Variants in TLCD4 observed in about 807,000 individuals in gnomAD.
The protein encoded by TLCD4 is TLC domain containing 4.
Under a neutral mutation model 24.2 loss-of-function variants are expected in TLCD4, and 7 were observed. That is an observed-to-expected ratio of 0.29 (90% CI 0.16 to 0.54). TLCD4 has a LOEUF of 0.54. Ranked by LOEUF, TLCD4 falls within the 20% of genes least tolerant of loss-of-function variation. The pLI, the probability that TLCD4 is intolerant of heterozygous loss-of-function variation, is 0.95. For missense variants in TLCD4, 259 were observed against 313.9 expected (o/e 0.82, Z 1.32); for synonymous variants, 103 against 106.4 (o/e 0.97, Z 0.20).
Position 95,125,367 on chromosome 1 carries a change from A to T in TLCD4, c.-12+7750A>T, listed in dbSNP as rs1393402878. The T allele has an allele frequency of 2.6e-5, 4 of 152,350 alleles. No individual in the cohort carries two copies. The East Asian group carries it at 7.7e-4, about 29-fold the overall frequency. 9.4% of individuals were successfully genotyped at this position (152,350 alleles called of 1,614,324 possible). ...TATCTAGATTTTTTGACTGTCTGGC[A>T]GTATCAAACCTGAATCAGGTAGATA... On this transcript the variant is annotated intron_variant, in intron 1 of 6. Coordinates refer to ENST00000370203, the MANE Select transcript of TLCD4 (RefSeq NM_152487.3).
intron 1 of TLCD4, among the ~76,000 whole-genome samples, chr1:95,136,015 C>T (rs1291270699): frequency 1.3e-5 from 2 of 152,080 alleles, no homozygotes; most frequent in African/African-American, 2.4e-5. Flanking sequence ...ACCCACTGAG[C>T]CTGGCCTGCT....
rs748928667 is a variant in TLCD4, at chr1:95,151,367, A to G, written c.347A>G (p.Lys116Arg). 40 of 1,613,300 alleles carry G rather than the reference A, an allele frequency of 2.5e-5. 1 individual carries two copies. In the Admixed American group the frequency reaches 4.7e-4, roughly 19 times the overall value. ...TTGTATTGGAAAGTGATTGGTGACA[A>G]ATTTTTTATAATGCATCATTGTGCG... ...IILYWKVIGD[K>R]FFIMHHCASL... is the part of the protein sequence containing the mutation. The change falls in exon 5 of 7, where the codon AAA (lysine) becomes AGA (arginine). Residue 116 changes from lysine (K) to arginine (R), a missense_variant. Lys to Arg is a conservative substitution (Grantham distance 26, BLOSUM62 2). Coordinates refer to ENST00000370203, the MANE Select transcript of TLCD4 (RefSeq NM_152487.3).
chr1:95,124,876 C>T (rs1450163580), intron 1 of TLCD4, among the ~76,000 whole-genome samples: 1 of 151,922 alleles, frequency 6.6e-6, no homozygotes, highest in African/African-American at 2.4e-5. Flanking sequence ...CAACAAACAC[C>T]ACCACCCTGT....
At position 95,191,622 on chromosome 1, in the gene TLCD4, A is replaced by C. The variant is rs1679032903; in HGVS notation, c.546A>C (p.Val182=). 2 of 1,614,094 alleles carry C rather than the reference A, an allele frequency of 1.2e-6. No homozygotes were observed. The highest frequency in any genetic ancestry group is 3.3e-5 in the Admixed American group (2 of 60,006). Reference sequence around the variant, plus strand: ...TTATCAATGGAATACTCATGACAGTAGTATTCTTCATCGTGCGGATTGCCT... The same window carrying C: ...TTATCAATGGAATACTCATGACAGTCGTATTCTTCATCGTGCGGATTGCCT... ...AIVINGILMT[V]VFFIVRIASM... Residue 182 remains valine (V), a synonymous_variant, in exon 7 of 7, where the codon GTA becomes GTC. Transcript: ENST00000370203.
intron 1 of TLCD4, among the ~76,000 whole-genome samples, chr1:95,130,001 A>T (rs543059599): frequency 6.6e-6 from 1 of 152,190 alleles, no homozygotes; most frequent in African/African-American, 2.4e-5. Context: ...CTTTTTCCCT[A>T]TATGTCTCTT....
At chr1:95,148,582 C>T in intron 2 of TLCD4, 120 bp from the exon 3 acceptor site, 2 of 1,363,182 alleles carry the variant, frequency 1.5e-6, no homozygotes, top group Non-Finnish European at 2.0e-6. Context: ...CTCCGTTATA[C>T]TTCACACCTG....
chr1:95,109,144 A>G, the TLCD4 span, among the ~76,000 whole-genome samples: 1 of 152,126 alleles, frequency 6.6e-6, no homozygotes, highest in Non-Finnish European at 1.5e-5. Context: ...CCTGGGCAAG[A>G]AGGCAAAACC....
chr1:95,111,742 G>A, the TLCD4 span, among the ~76,000 whole-genome samples: 28 of 152,248 alleles, frequency 1.8e-4, no homozygotes, highest in African/African-American at 6.3e-4. Flanking sequence ...GAAGATTGCT[G>A]TATAATGGTT....
rs192798231 is a variant in TLCD4 at position 95,175,290 on chromosome 1, T to A, written c.473+1401T>A. 6.6e-5 allele frequency among the ~76,000 whole-genome samples: 10 copies of A among 152,314 alleles called. No homozygotes were observed. The East Asian group carries it at 1.7e-3, about 26-fold the overall frequency. ...TTCATATGAATGGAATGATACAGTG[T>A]TTATCCTTTTGTGCCTGGCTTATTT... On this transcript the variant is annotated intron_variant, in intron 6 of 6. Transcript: ENST00000370203.
chr1:95,151,690 A>G (rs1557685615), intron 5 of TLCD4, among the ~76,000 whole-genome samples: 1 of 152,102 alleles, frequency 6.6e-6, no homozygotes, highest in African/African-American at 2.4e-5. Flanking sequence ...TAAAACCTTC[A>G]GGATTGTTGT....
chr1:95,178,884 C>T (rs1020835481), intron 6 of TLCD4, among the ~76,000 whole-genome samples: 1 of 152,158 alleles, frequency 6.6e-6, no homozygotes, highest in Non-Finnish European at 1.5e-5. Flanking sequence ...ACATATTTCC[C>T]TCTATACTCA....
At chr1:95,099,179 G>A in the TLCD4 span, among the ~76,000 whole-genome samples, 1 of 151,662 alleles carries the variant, frequency 6.6e-6, no homozygotes, top group Non-Finnish European at 1.5e-5. Flanking sequence ...TATAATTCCA[G>A]CACTTTGGGA....
At chr1:95,111,293 TAAAACAAAAC>T in the TLCD4 span, among the ~76,000 whole-genome samples, 7 of 145,106 alleles carry the variant, frequency 4.8e-5, no homozygotes, top group Non-Finnish European at 7.5e-5. Context: ...TTGTGTCTCT[TAAAACAAAAC>T]AAAACAAAAC....
At chr1:95,104,466 C>T in the TLCD4 span, among the ~76,000 whole-genome samples, 1 of 151,530 alleles carries the variant, frequency 6.6e-6, no homozygotes, top group East Asian at 2.0e-4. Flanking sequence ...AGATCGAGAC[C>T]ATGCTGGCTA....
chr1:95,101,681 G>A, the TLCD4 span, among the ~76,000 whole-genome samples: 1 of 152,176 alleles, frequency 6.6e-6, no homozygotes, highest in Non-Finnish European at 1.5e-5. Context: ...CAGGTGGTGT[G>A]AAAAACACTG....
At chr1:95,139,341 T>C (rs1055332110) in intron 1 of TLCD4, among the ~76,000 whole-genome samples, 1 of 151,816 alleles carries the variant, frequency 6.6e-6, no homozygotes, top group African/African-American at 2.4e-5. Flanking sequence ...GTAGGCTTTA[T>C]AAACACTGTA....
chr1:95,170,257 AT>A (rs1557693013), intron 5 of TLCD4, among the ~76,000 whole-genome samples: 2 of 151,544 alleles, frequency 1.3e-5, no homozygotes, highest in African/African-American at 4.9e-5. Flanking sequence ...TTCACCTATA[AT>A]TTTTTTAATG....
the TLCD4 span, among the ~76,000 whole-genome samples, chr1:95,094,383 C>T: frequency 6.6e-6 from 1 of 152,030 alleles, no homozygotes; most frequent in Non-Finnish European, 1.5e-5. Context: ...GATCCTCCTA[C>T]CTTGGCCTCC....
the TLCD4 span, among the ~76,000 whole-genome samples, chr1:95,096,656 C>A: frequency 2.6e-5 from 4 of 152,162 alleles, no homozygotes; most frequent in African/African-American, 7.2e-5. Context: ...CATGAAGTAT[C>A]CTGCCAATTT....
Sources: allele counts gnomAD v4.1 joint callset (sites outside exome capture counted in the v4.1 genomes callset), GRCh38; gene constraint gnomAD v4.1.1; transcripts MANE v1.5; gene names NCBI Gene and HGNC (gene_info 2026-07-23, HGNC 2026-07-21).